The following TRPM3 variants were observed in gnomAD, a reference collection of about 807,000 sequenced individuals.
The protein encoded by TRPM3 is long transient receptor potential channel 3.
TRPM3 carries 77 observed loss-of-function variants against 181.2 expected under a neutral mutation model. The observed-to-expected ratio is 0.42, with a 90% CI of 0.35 to 0.51. The LOEUF (loss-of-function observed/expected upper bound fraction) is 0.51, where lower values mean the gene tolerates loss of function less well. Ranked by LOEUF, TRPM3 falls within the 20% of genes least tolerant of loss-of-function variation. TRPM3 has a pLI of 0.01. For synonymous variants in TRPM3, 745 were observed against 796.4 expected (o/e 0.94, Z 1.09); for missense variants, 1,759 against 2,196.7 (o/e 0.80, Z 3.98).
At chr9:71,377,724 A>T (rs546432764) in intron 1 of TRPM3, among the ~76,000 whole-genome samples, 19 of 152,182 alleles carry the variant, frequency 1.2e-4, no homozygotes, top group African/African-American at 4.3e-4. Flanking sequence ...GAACACACCA[A>T]TGTTACTAAC....
intron 1 of TRPM3, among the ~76,000 whole-genome samples, chr9:71,313,257 T>C (rs575704217): frequency 6.6e-6 from 1 of 152,092 alleles, no homozygotes; most frequent in Non-Finnish European, 1.5e-5. Context: ...CACTAAAAAT[T>C]TTTTAAGTAC....
Position 70,842,983 on chromosome 9 carries a change from C to T in TRPM3, c.801+20G>A, listed in dbSNP as rs778243433. 2.7e-5 allele frequency: 44 copies of T among 1,610,230 alleles called. No individual in the cohort carries two copies. Among genetic ancestry groups the T allele is most frequent in the Non-Finnish European group, 3.2e-5 (38 of 1,178,734 alleles). On this transcript the variant is annotated intron_variant, in intron 5 of 25. Transcript: ENST00000677713. Reference sequence around the variant, plus strand: ...CCCCTCTAGGAGAAGTCATGGAAAGCGACAGCACTCAGGACTTACATCTCT... The same window carrying T: ...CCCCTCTAGGAGAAGTCATGGAAAGTGACAGCACTCAGGACTTACATCTCT...
At chr9:71,063,200 A>G (rs1365479995) in intron 1 of TRPM3, among the ~76,000 whole-genome samples, 1 of 152,066 alleles carries the variant, frequency 6.6e-6, no homozygotes, top group African/African-American at 2.4e-5. Context: ...TCCTCCCATG[A>G]GCCATTTGGG....
In TRPM3 at chr9:70,928,147, C is replaced by A. The variant is rs981009386; in HGVS notation, c.178-63636G>T. ...AGAGAGATAGATCTAGGGCCAAATG[C>A]CACTTCCGTGACTTATGAAGTGGGT... On this transcript the variant is annotated intron_variant, in intron 1 of 25. Transcript: ENST00000677713. 2.0e-5 allele frequency among the ~76,000 whole-genome samples: 3 copies of A among 152,116 alleles called. No individual in the cohort carries two copies. In the East Asian group the frequency reaches 5.8e-4, roughly 29 times the overall value.
In TRPM3 at chr9:70,552,875, C is replaced by T. The variant is rs746013146; in HGVS notation, c.3543G>A (p.Glu1181=). Reference sequence around the variant, plus strand: ...CGTAGTCCCTTTCATCCGGGTCGCTCTCGTGTTTCCTCCATCGGCAGCACA... The same window carrying T: ...CGTAGTCCCTTTCATCCGGGTCGCTTTCGTGTTTCCTCCATCGGCAGCACA... ...QHLCCRWRKH[E]SDPDERDYGL... Residue 1181 remains glutamate, a synonymous_variant, in exon 24 of 26, where the codon GAG becomes GAA. Coordinates refer to ENST00000677713, the MANE Select transcript of TRPM3 (RefSeq NM_001366145.2). 2.5e-6 allele frequency: 4 copies of T among 1,614,176 alleles called. No homozygotes were observed. The highest frequency in any genetic ancestry group is 3.3e-5 in the Admixed American group (2 of 60,022).
chr9:70,630,913 T>A (rs2065719533), intron 12 of TRPM3, among the ~76,000 whole-genome samples: 1 of 151,866 alleles, frequency 6.6e-6, no homozygotes, highest in Admixed American at 6.6e-5. Context: ...AATTCACTTA[T>A]TAGATCTGCT....
intron 6 of TRPM3, among the ~76,000 whole-genome samples, chr9:70,796,151 C>T (rs2086965640): frequency 6.6e-6 from 1 of 152,180 alleles, no homozygotes; most frequent in African/African-American, 2.4e-5. Context: ...TAATACGCTA[C>T]CCATGTTCCC....
intron 20 of TRPM3, among the ~76,000 whole-genome samples, chr9:70,600,022 A>G (rs1209652033): frequency 1.3e-5 from 2 of 152,210 alleles, no homozygotes; most frequent in Non-Finnish European, 2.9e-5. Context: ...GTAGGCACTA[A>G]CAGCAATTTT....
At position 70,536,466 on chromosome 9, in the gene TRPM3, C is replaced by T. The variant is rs1051696641; in HGVS notation, c.4647G>A (p.Val1549=). ...TTGTGTATTCTGCTGTTTTTACAGG[C>T]ACCCCAAAGTTGGCATAATAGCTCC... ...PSRSYYANFG[V]PVKTAEYTSI... is the part of the protein sequence containing the mutation. Residue 1549 remains valine (V), a synonymous_variant, in exon 26 of 26, where the codon GTG becomes GTA. Coordinates refer to ENST00000677713, the MANE Select transcript of TRPM3 (RefSeq NM_001366145.2). 16 of 1,614,136 alleles carry T rather than the reference C, an allele frequency of 9.9e-6. No individual in the cohort carries two copies. The highest frequency in any genetic ancestry group is 1.2e-5 in the Non-Finnish European group (14 of 1,180,020).
At chr9:71,165,648 C>A (rs2076504537) in intron 1 of TRPM3, among the ~76,000 whole-genome samples, 1 of 152,060 alleles carries the variant, frequency 6.6e-6, no homozygotes, top group African/African-American at 2.4e-5. Context: ...GAATGAGGAA[C>A]CTAAAGGGTA....
intron 1 of TRPM3, among the ~76,000 whole-genome samples, chr9:70,987,394 C>T (rs1002158858): frequency 2.6e-5 from 4 of 152,072 alleles, no homozygotes; most frequent in South Asian, 2.1e-4. Flanking sequence ...ACAGGCTCTG[C>T]GTAAGATGCA....
At chr9:70,953,662 T>C (rs1285497596) in intron 1 of TRPM3, among the ~76,000 whole-genome samples, 1 of 152,176 alleles carries the variant, frequency 6.6e-6, no homozygotes, top group Non-Finnish European at 1.5e-5. Flanking sequence ...CTAAACTGAC[T>C]ATCCCTCCCC....
At chr9:71,439,065 A>G (rs1177378343) in intron 1 of TRPM3, among the ~76,000 whole-genome samples, 1 of 152,240 alleles carries the variant, frequency 6.6e-6, no homozygotes, top group African/African-American at 2.4e-5. Context: ...TTTTAGCCCC[A>G]AGAATGTCAA....
intron 1 of TRPM3, among the ~76,000 whole-genome samples, chr9:71,268,891 A>T (rs2083577574): frequency 6.6e-6 from 1 of 152,168 alleles, no homozygotes. Flanking sequence ...AGGGAAAGTG[A>T]TATTTGCACT....
At chr9:70,759,300 T>C (rs1200167629) in intron 8 of TRPM3, among the ~76,000 whole-genome samples, 1 of 152,210 alleles carries the variant, frequency 6.6e-6, no homozygotes, top group Non-Finnish European at 1.5e-5. Flanking sequence ...CTCACTCCAG[T>C]TAGAATGGCA....
Position 71,038,218 on chromosome 9 carries a change from A to G in TRPM3, c.177+82960T>C, listed in dbSNP as rs367845458. Among the ~76,000 whole-genome samples the G allele has an allele frequency of 5.3e-5, 8 of 152,356 alleles. No individual in the cohort carries two copies. The South Asian group carries it at 1.0e-3, about 20-fold the overall frequency. ...ATTAGGCATTTGAGAACACTTCTCCACTAATGAATGTAGATCAGGAGCATG... is the reference window on the plus strand; with the variant it reads ...ATTAGGCATTTGAGAACACTTCTCCGCTAATGAATGTAGATCAGGAGCATG... On this transcript the variant is annotated intron_variant, in intron 1 of 25. Transcript: ENST00000677713.
chr9:71,044,888 A>G (rs922409719), intron 1 of TRPM3, among the ~76,000 whole-genome samples: 2 of 151,616 alleles, frequency 1.3e-5, no homozygotes, highest in African/African-American at 4.8e-5. Context: ...AGCCAGGATG[A>G]TCTCGATCTC....
intron 9 of TRPM3, among the ~76,000 whole-genome samples, chr9:70,670,468 G>A (rs528124123): frequency 6.6e-6 from 1 of 152,152 alleles, no homozygotes; most frequent in East Asian, 1.9e-4. Flanking sequence ...ACTGAGATCT[G>A]TTTGGATTTC....
chr9:70,980,065 G>A (rs1006406252), intron 1 of TRPM3, among the ~76,000 whole-genome samples: 44 of 7,938 alleles, frequency 5.5e-3, no homozygotes, highest in South Asian at 7.5e-3. Flanking sequence ...ATGCATGTGC[G>A]TGCACACACA....
Sources: gnomAD v4.1 joint callset for allele counts (sites outside exome capture counted in the v4.1 genomes callset) on GRCh38, gnomAD v4.1.1 for gene constraint, MANE v1.5 for transcripts, NCBI Gene and HGNC (gene_info 2026-07-23, HGNC 2026-07-21) for gene names.